AMBN: variants seen among roughly 807,000 people sequenced by gnomAD.
AMBN encodes the protein enamel matrix protein.
Under a neutral mutation model 48.0 loss-of-function variants are expected in AMBN, and 54 were observed. The ratio of observed to expected loss-of-function variants is 1.12; its 90% confidence interval spans 0.90 to 1.41. The LOEUF (loss-of-function observed/expected upper bound fraction) is 1.41, where lower values mean the gene tolerates loss of function less well. AMBN is among the 40% of genes most tolerant of loss of function. The probability of loss-of-function intolerance (pLI) is 0.00; values close to 1 mark genes in which losing one functional copy is unlikely to be tolerated. For synonymous variants in AMBN, 186 were observed against 190.0 expected, an observed-to-expected ratio of 0.98 and a Z score of 0.17; for missense variants, 571 against 547.3, an observed-to-expected ratio of 1.04 and a Z score of -0.43.
At chr4:70,593,176 A>T in intron 1 of AMBN, 151 bp from the exon 2 acceptor site, 2 of 548,648 alleles carry the variant, frequency 3.6e-6, no homozygotes, top group South Asian at 2.4e-5. Flanking sequence ...TCGGTTGTTT[A>T]GTAACATTTA....
Position 70,599,583 on chromosome 4 carries a change from C to A in AMBN, c.231C>A (p.His77Gln). ...FGKSFNSLWM[H>Q]GLLPPHSSLP... is the part of the protein sequence containing the mutation. Reference sequence around the variant, plus strand: ...AATCATTTAATTCTTTGTGGATGCACGGTCTCCTCCCACCACATTCCTCTC... The same window carrying A: ...AATCATTTAATTCTTTGTGGATGCAAGGTCTCCTCCCACCACATTCCTCTC... Residue 77 changes from histidine (H) to glutamine (Q), a missense_variant, in exon 5 of 13, where the codon CAC (histidine) becomes CAA (glutamine). Coordinates refer to ENST00000322937, the MANE Select transcript of AMBN (RefSeq NM_016519.6). 6.2e-7 allele frequency: 1 copy of A among 1,613,462 alleles called. No individual in the cohort carries two copies. Among genetic ancestry groups the A allele is most frequent in the Non-Finnish European group, 8.5e-7 (1 of 1,179,742 alleles).
At position 70,606,832 on chromosome 4, in the gene AMBN, G is replaced by A; in HGVS notation, c.*102G>A. 1 of 1,290,324 alleles carries A rather than the reference G, an allele frequency of 7.7e-7. No individual in the cohort carries two copies. Among genetic ancestry groups the A allele is most frequent in the Admixed American group, 2.6e-5 (1 of 37,878 alleles). 79.9% of individuals were successfully genotyped at this position (1,290,324 alleles called of 1,614,324 possible). A position where few individuals can be genotyped will look rare whatever the true frequency, so the allele number is the denominator to read the frequency against. On this transcript the variant is annotated 3_prime_UTR_variant, in exon 13 of 13. Coordinates refer to ENST00000322937, the MANE Select transcript of AMBN (RefSeq NM_016519.6). ...ACACTTATTACCCTTCTGCAGCAAAGGCATTAAAAGCGCTAAGCATATATT... is the reference window on the plus strand; with the variant it reads ...ACACTTATTACCCTTCTGCAGCAAAAGCATTAAAAGCGCTAAGCATATATT...
intron 4 of AMBN, 150 bp downstream of exon 4, chr4:70,598,553 A>T: frequency 2.1e-6 from 1 of 483,346 alleles, no homozygotes; most frequent in African/African-American, 2.0e-5. Flanking sequence ...ACAAAATAAG[A>T]TACAGTGACA....
intron 2 of AMBN, among the ~76,000 whole-genome samples, chr4:70,594,109 T>A (rs1266900121): frequency 6.6e-6 from 1 of 152,218 alleles, no homozygotes; most frequent in African/African-American, 2.4e-5. Context: ...ATCTCTAAAT[T>A]TCTATGGTTA....
At chr4:70,605,473 T>A (rs1040714511) in intron 12 of AMBN, among the ~76,000 whole-genome samples, 7 of 152,206 alleles carry the variant, frequency 4.6e-5, no homozygotes, top group Non-Finnish European at 7.3e-5. Flanking sequence ...GCTCAATTGC[T>A]ACAAACAGCC....
At position 70,606,735 on chromosome 4, in the gene AMBN, T is replaced by G; in HGVS notation, c.*5T>G. The G allele has an allele frequency of 6.2e-7, 1 of 1,602,138 alleles. No individual in the cohort carries two copies. On this transcript the variant is annotated 3_prime_UTR_variant, in exon 13 of 13. Coordinates refer to ENST00000322937, the MANE Select transcript of AMBN (RefSeq NM_016519.6). ...TGGCATTTCCAAGAGCCCTGACAGCTCTAAGATATTAGCTACTTTCTGTAT... is the reference window on the plus strand; with the variant it reads ...TGGCATTTCCAAGAGCCCTGACAGCGCTAAGATATTAGCTACTTTCTGTAT...
chr4:70,597,628 T>C (rs1737416293), intron 3 of AMBN, among the ~76,000 whole-genome samples: 1 of 152,152 alleles, frequency 6.6e-6, no homozygotes, highest in African/African-American at 2.4e-5. Flanking sequence ...TATAGAAAGA[T>C]ATTTATAAGA....
In AMBN at chr4:70,606,866, C is replaced by CTT; in HGVS notation, c.*136_*137insTT. On this transcript the variant is annotated 3_prime_UTR_variant, in exon 13 of 13. Coordinates refer to ENST00000322937, the MANE Select transcript of AMBN (RefSeq NM_016519.6). ...AGCGCTAAGCATATATTAATAAATGCAAGTGGCTAGAAATAGTGTAGGTCC... is the reference window on the plus strand; with the variant it reads ...AGCGCTAAGCATATATTAATAAATGCTTAAGTGGCTAGAAATAGTGTAGGTCC... 1.0e-6 allele frequency: 1 copy of CTT among 975,754 alleles called. No individual in the cohort carries two copies. The highest frequency in any genetic ancestry group is 1.5e-6 in the Non-Finnish European group (1 of 675,644). 60.4% of individuals were successfully genotyped at this position (975,754 alleles called of 1,614,324 possible).
chr4:70,592,991 T>C (rs1418596862), intron 1 of AMBN, among the ~76,000 whole-genome samples: 1 of 152,200 alleles, frequency 6.6e-6, no homozygotes, highest in Non-Finnish European at 1.5e-5. Context: ...ACCAATATTT[T>C]ACTTAGTGGG....
At chr4:70,599,492 T>A in intron 4 of AMBN, 44 bp from the exon 5 acceptor site, 1 of 1,404,066 alleles carries the variant, frequency 7.1e-7, no homozygotes, top group South Asian at 1.3e-5. Context: ...ATGTTATATT[T>A]AACATTTAAA....
At position 70,606,670 on chromosome 4, in the gene AMBN, A is replaced by G. The variant is rs756987016; in HGVS notation, c.1284A>G (p.Pro428=). The change falls in exon 13 of 13, where the codon CCA becomes CCG. Residue 428 remains proline (P), a synonymous_variant. Transcript: ENST00000322937. ...CAAACTCTCTGCAAACATCCATGCCAGGAAACAAAGCCCAGGAGCCCGAGA... is the reference window on the plus strand; with the variant it reads ...CAAACTCTCTGCAAACATCCATGCCGGGAAACAAAGCCCAGGAGCCCGAGA... ...MAPNSLQTSM[P]GNKAQEPEMM... 8.1e-6 allele frequency: 13 copies of G among 1,614,118 alleles called. No homozygotes were observed. Among genetic ancestry groups the G allele is most frequent in the Non-Finnish European group, 1.7e-6 (2 of 1,179,980 alleles).
chr4:70,599,207 C>T (rs1248535776), intron 4 of AMBN, among the ~76,000 whole-genome samples: 1 of 151,984 alleles, frequency 6.6e-6, no homozygotes, highest in East Asian at 1.9e-4. Context: ...TTTTGGGAGG[C>T]CAAGGTGGGC....
At chr4:70,604,274 T>A (rs1393514212) in intron 12 of AMBN, among the ~76,000 whole-genome samples, 3 of 152,156 alleles carry the variant, frequency 2.0e-5, no homozygotes. Flanking sequence ...CTGGGACCAT[T>A]TAACCCCTCA....
Position 70,593,389 on chromosome 4 carries a change from A to C in AMBN, c.78A>C (p.Ala26=). The change falls in exon 2 of 13, where the codon GCA becomes GCC. Residue 26 remains alanine, a synonymous_variant. Coordinates refer to ENST00000322937, the MANE Select transcript of AMBN (RefSeq NM_016519.6). ...TATGCCTCCTGGAAATGAGTTTTGC[A>C]GTGCCGGTAAGTCAGTCTTTAGAGT... ...LILCLLEMSF[A]VPFFPQQSGT... 6.2e-7 allele frequency: 1 copy of C among 1,611,188 alleles called. No homozygotes were observed. The highest frequency in any genetic ancestry group is 8.5e-7 in the Non-Finnish European group (1 of 1,177,506).
intron 3 of AMBN, 152 bp downstream of exon 3, chr4:70,597,201 G>C: frequency 1.7e-6 from 1 of 594,280 alleles, no homozygotes; most frequent in Non-Finnish European, 2.9e-6. Context: ...ATTTACTAGA[G>C]CTTTGTCTTA....
In AMBN at chr4:70,603,433, G is replaced by A; in HGVS notation, c.726G>A (p.Leu242=). Residue 242 remains leucine (L), a synonymous_variant, in exon 11 of 13, where the codon TTG becomes TTA. Transcript: ENST00000322937. ...NKQSPLYPGM[L]YVPFGANQLN... ...TTATTTAGCTTTATCCAGGAATGTTGTACGTGCCTTTTGGAGCAAATCAAT... is the reference window on the plus strand; with the variant it reads ...TTATTTAGCTTTATCCAGGAATGTTATACGTGCCTTTTGGAGCAAATCAAT... The A allele has an allele frequency of 1.2e-6, 2 of 1,612,950 alleles. No individual in the cohort carries two copies. Among genetic ancestry groups the A allele is most frequent in the Non-Finnish European group, 1.7e-6 (2 of 1,179,840 alleles).
intron 5 of AMBN, 33 bp from the exon 6 acceptor site, chr4:70,601,385 C>A (rs1469675794): frequency 6.2e-7 from 1 of 1,602,250 alleles, no homozygotes; most frequent in South Asian, 1.1e-5. Context: ...ATGAGCCATC[C>A]CTTCCTAACA....
chr4:70,599,575 T>G lies in AMBN; in HGVS notation c.223T>G (p.Trp75Gly). ...YGFGKSFNSL[W>G]MHGLLPPHSS... ...CTTTGGAAAATCATTTAATTCTTTG[T>G]GGATGCACGGTCTCCTCCCACCACA... The change falls in exon 5 of 13, where the codon TGG (tryptophan) becomes GGG (glycine). Residue 75 changes from tryptophan (W) to glycine (G), a missense_variant. By Grantham distance (184) the Trp-to-Gly change is radical (BLOSUM62 -2). Coordinates refer to ENST00000322937, the MANE Select transcript of AMBN (RefSeq NM_016519.6). The G allele has an allele frequency of 6.2e-7, 1 of 1,613,666 alleles. No homozygotes were observed. The highest frequency in any genetic ancestry group is 8.5e-7 in the Non-Finnish European group (1 of 1,179,774).
At chr4:70,598,130 T>C (rs1560386878) in intron 3 of AMBN, among the ~76,000 whole-genome samples, 2 of 152,242 alleles carry the variant, frequency 1.3e-5, no homozygotes, top group East Asian at 3.8e-4. Context: ...CTTTTTCTCC[T>C]TTAATTAATG....
Sources: gnomAD v4.1 joint callset for allele counts (sites outside exome capture counted in the v4.1 genomes callset) on GRCh38, gnomAD v4.1.1 for gene constraint, MANE v1.5 for transcripts, NCBI Gene and HGNC (gene_info 2026-07-23, HGNC 2026-07-21) for gene names.